MSMB: variants seen among roughly 807,000 people sequenced by gnomAD.
The protein encoded by MSMB is microseminoprotein beta, also known as beta-microseminoprotein.
Under a neutral mutation model 10.5 loss-of-function variants are expected in MSMB, and 10 were observed. That is an observed-to-expected ratio of 0.95 (90% confidence interval 0.59 to 1.62). The LOEUF (loss-of-function observed/expected upper bound fraction) is 1.62. Among genes scored for constraint, MSMB ranks in the 40% most tolerant of loss-of-function variants. The pLI is 0.00. For missense variants in MSMB, 126 were observed against 137.4 expected (o/e 0.92, Z 0.42); for synonymous variants, 43 against 46.5 (o/e 0.93, Z 0.30).
At chr10:46,043,480 A>G (rs1056935656) in intron 1 of MSMB, among the ~76,000 whole-genome samples, 1 of 131,722 alleles carries the variant, frequency 7.6e-6, no homozygotes, top group African/African-American at 3.0e-5. Context: ...CCTTCCCTGT[A>G]AAAAGAGGGG....
chr10:46,041,416 T>C (rs1055151430), intron 1 of MSMB, among the ~76,000 whole-genome samples: 1 of 151,586 alleles, frequency 6.6e-6, no homozygotes, highest in Non-Finnish European at 1.5e-5. Context: ...CTTTTGACAA[T>C]GGGAATGAAG....
chr10:46,041,280 G>T (rs1840744435), intron 1 of MSMB, among the ~76,000 whole-genome samples: 6 of 150,242 alleles, frequency 4.0e-5, no homozygotes. Flanking sequence ...GGGAGGCGGA[G>T]GTTGCAGTGA....
intron 2 of MSMB, 101 bp downstream of exon 2, chr10:46,039,885 A>G (rs1840702147): frequency 1.1e-6 from 1 of 907,982 alleles, no homozygotes; most frequent in Admixed American, 2.3e-5. Context: ...ATCTCAAAAA[A>G]CAAAGAAACA....
intron 1 of MSMB, among the ~76,000 whole-genome samples, chr10:46,044,522 G>C (rs1414455249): frequency 7.3e-6 from 1 of 137,292 alleles, no homozygotes; most frequent in Non-Finnish European, 1.5e-5. Flanking sequence ...CTTGCAGTGA[G>C]CCGAGATTGC....
intron 1 of MSMB, among the ~76,000 whole-genome samples, chr10:46,045,542 CAAAT>C (rs1162928229): frequency 6.6e-6 from 1 of 152,060 alleles, no homozygotes; most frequent in African/African-American, 2.4e-5. Context: ...CAAAAACAAA[CAAAT>C]AAACCAACAA....
chr10:46,045,361 A>C lies in MSMB; in HGVS notation c.3+874T>G. ...AGCCTGGGCAGCATAGCAAAATCCT[A>C]TCTCTAAAACAAATACAAAAATTAG... On this transcript the variant is annotated intron_variant, in intron 1 of 3. Transcript: ENST00000582163. 1.3e-5 allele frequency among the ~76,000 whole-genome samples: 2 copies of C among 151,934 alleles called. 1 individual carries two copies. The highest frequency in any genetic ancestry group is 3.9e-4 in the East Asian group (2 of 5,164).
At chr10:46,036,060 A>G (rs114797365) in intron 3 of MSMB, among the ~76,000 whole-genome samples, 83 of 152,320 alleles carry the variant, frequency 5.4e-4, no homozygotes, top group African/African-American at 1.9e-3. Flanking sequence ...TCAGCTAACC[A>G]GAGTCAGTGG....
chr10:46,041,380 TTAAAC>T (rs1554928608), intron 1 of MSMB, among the ~76,000 whole-genome samples: 1 of 151,984 alleles, frequency 6.6e-6, no homozygotes, highest in African/African-American at 2.4e-5. Context: ...ATTAAGATCT[TTAAAC>T]TAAATTTGTT....
intron 3 of MSMB, among the ~76,000 whole-genome samples, chr10:46,034,810 G>A (rs1313339168): frequency 6.7e-6 from 1 of 149,034 alleles, no homozygotes; most frequent in Admixed American, 6.7e-5. Flanking sequence ...GGGCGACAGA[G>A]CAAGATTCCA....
rs60728604 is a variant in MSMB at position 46,041,344 on chromosome 10, C to CAA, written c.4-1255_4-1254dup. ...TGGGCAAGAGAGTGAGACTCCGTCT[C>CAA]AAAAAAAAAAAAAAAAAAAAAATCA... On this transcript the variant is annotated intron_variant, in intron 1 of 3. Transcript: ENST00000582163. Among the ~76,000 whole-genome samples the CAA allele has an allele frequency of 5.0e-3, 484 of 96,190 alleles. 6 individuals are homozygous for CAA. The highest frequency in any genetic ancestry group is 0.014 in the Middle Eastern group (2 of 148). The allele number at this position is 96,190 out of a possible 152,430, so 63.1% of individuals were successfully genotyped here.
At chr10:46,045,257 C>T (rs1361887947) in intron 1 of MSMB, among the ~76,000 whole-genome samples, 1 of 152,168 alleles carries the variant, frequency 6.6e-6, no homozygotes, top group African/African-American at 2.4e-5. Context: ...CTTGGCCAGG[C>T]ACAGTGGTTC....
Position 46,033,498 on chromosome 10 carries a change from T to A in MSMB, c.269A>T (p.Lys90Met). The A allele has an allele frequency of 6.2e-7, 1 of 1,613,898 alleles. No homozygotes were observed. The highest frequency in any genetic ancestry group is 8.5e-7 in the Non-Finnish European group (1 of 1,179,780). Reference sequence around the variant, plus strand: ...CACCACGATATACTTGCAGTCCTCCTTCTTGAAGATTCTTTGGCAGTTGTC... The same window carrying A: ...CACCACGATATACTTGCAGTCCTCCATCTTGAAGATTCTTTGGCAGTTGTC... ...DKDNCQRIFK[K>M]EDCKYIVVEK... The change falls in exon 4 of 4, where the codon AAG becomes ATG. Residue 90 changes from lysine (K) to methionine (M), a missense_variant. Physicochemically the swap from Lys to Met is moderately conservative, Grantham distance 95. Transcript: ENST00000582163.
intron 3 of MSMB, among the ~76,000 whole-genome samples, chr10:46,035,571 A>G (rs536103532): frequency 6.6e-6 from 1 of 152,360 alleles, no homozygotes; most frequent in Admixed American, 6.5e-5. Context: ...ACACAGTGTG[A>G]TTGTATTTAT....
At chr10:46,043,929 C>T (rs1252595502) in intron 1 of MSMB, among the ~76,000 whole-genome samples, 1 of 152,030 alleles carries the variant, frequency 6.6e-6, no homozygotes, top group Non-Finnish European at 1.5e-5. Flanking sequence ...CCCGCCTCGG[C>T]CTCCCAAAGT....
chr10:46,040,997 A>G (rs1840735057), intron 1 of MSMB, among the ~76,000 whole-genome samples: 1 of 151,678 alleles, frequency 6.6e-6, no homozygotes, highest in Non-Finnish European at 1.5e-5. Context: ...TCTGCAGAAC[A>G]CTCGATCTAT....
intron 3 of MSMB, among the ~76,000 whole-genome samples, 180 bp downstream of exon 3, chr10:46,038,786 A>G (rs1251815232): frequency 2.0e-5 from 3 of 152,092 alleles, no homozygotes; most frequent in African/African-American, 4.8e-5. Context: ...CAGGAGGCAC[A>G]TGGGAAATTT....
chr10:46,038,851 T>C (rs1840675483), intron 3 of MSMB, 115 bp downstream of exon 3: 3 of 860,692 alleles, frequency 3.5e-6, no homozygotes, highest in Non-Finnish European at 3.7e-6. Context: ...ATAAAGTCTA[T>C]AAAAAACTAA....
intron 3 of MSMB, 36 bp from the exon 4 acceptor site, chr10:46,033,587 G>A (rs1554927128): frequency 6.2e-7 from 1 of 1,609,252 alleles, no homozygotes; most frequent in African/African-American, 1.3e-5. Flanking sequence ...TGTTAGAAGA[G>A]AAAGGACCCC....
Position 46,033,472 on chromosome 10 carries a change from C to T in MSMB, c.295G>A (p.Glu99Lys), listed in dbSNP as rs1840508389. The change falls in exon 4 of 4, where the codon GAG (glutamate) becomes AAG (lysine). Residue 99 changes from glutamate to lysine, a missense_variant. Physicochemically the swap from Glu to Lys is moderately conservative, Grantham distance 56. Coordinates refer to ENST00000582163, the MANE Select transcript of MSMB (RefSeq NM_002443.4). ...CAGGTCTTTTTTGGGTCCTTCTTCT[C>T]CACCACGATATACTTGCAGTCCTCC... Reference protein sequence around the residue: ...KKEDCKYIVVEKKDPKKTCSV... With the variant: ...KKEDCKYIVVKKKDPKKTCSV... 6 of 1,613,988 alleles carry T rather than the reference C, an allele frequency of 3.7e-6. No individual in the cohort carries two copies. The highest frequency in any genetic ancestry group is 5.1e-6 in the Non-Finnish European group (6 of 1,179,876).
Sources: allele counts gnomAD v4.1 joint callset (sites outside exome capture counted in the v4.1 genomes callset), GRCh38; gene constraint gnomAD v4.1.1; transcripts MANE v1.5; gene names NCBI Gene and HGNC (gene_info 2026-07-23, HGNC 2026-07-21).